Variants in MTHFD1L observed in about 807,000 individuals in gnomAD.
MTHFD1L encodes the protein methylenetetrahydrofolate dehydrogenase (NADP+ dependent) 1 like.
Under a neutral mutation model 119.5 loss-of-function variants are expected in MTHFD1L, and 81 were observed. That is an observed-to-expected ratio of 0.68 (90% CI 0.57 to 0.82). The LOEUF is 0.82. Among genes scored for constraint, MTHFD1L ranks in the 40% least tolerant of loss-of-function variants. MTHFD1L has a pLI of 0.00. For synonymous variants in MTHFD1L, 430 were observed against 475.2 expected (o/e 0.90, Z 1.24); for missense variants, 1,125 against 1,253.4 (o/e 0.90, Z 1.55).
intron 27 of MTHFD1L, among the ~76,000 whole-genome samples, chr6:151,094,424 G>A (rs117172396): frequency 0.032 from 4,796 of 152,250 alleles, 220 homozygotes; most frequent in South Asian, 0.11. Context: ...GTTCAGTGGC[G>A]TGATCTCTGC....
intron 26 of MTHFD1L, among the ~76,000 whole-genome samples, chr6:151,084,794 C>T (rs1049867647): frequency 2.0e-5 from 3 of 151,038 alleles, no homozygotes; most frequent in Non-Finnish European, 4.4e-5. Context: ...GGTGAAACCC[C>T]GTCTCTACTA....
chr6:151,032,523 G>T (rs1785495708), intron 24 of MTHFD1L, among the ~76,000 whole-genome samples: 5 of 152,132 alleles, frequency 3.3e-5, no homozygotes, highest in Non-Finnish European at 1.5e-5. Context: ...CAACATTGAG[G>T]ATTACATTTC....
intron 26 of MTHFD1L, among the ~76,000 whole-genome samples, chr6:151,069,462 C>A (rs1238181132): frequency 3.3e-5 from 5 of 152,160 alleles, no homozygotes; most frequent in African/African-American, 1.2e-4. Flanking sequence ...ATTCTCTGTG[C>A]TTTTTCTCTT....
At chr6:150,998,989 T>TAAA (rs201806937) in intron 20 of MTHFD1L, among the ~76,000 whole-genome samples, 2,379 of 147,888 alleles carry the variant, frequency 0.016, 88 homozygotes, top group African/African-American at 0.055. Flanking sequence ...GACCCTGTCT[T>TAAA]AAAAAAATAT....
intron 19 of MTHFD1L, 21 bp from the exon 20 acceptor site, chr6:150,971,926 T>A: frequency 6.2e-7 from 1 of 1,604,162 alleles, no homozygotes; most frequent in Non-Finnish European, 8.5e-7. Context: ...GGGATTTTGA[T>A]TTGCTTTTTC....
intron 24 of MTHFD1L, among the ~76,000 whole-genome samples, chr6:151,028,849 G>A (rs1053767984): frequency 3.9e-5 from 6 of 152,138 alleles, no homozygotes; most frequent in Non-Finnish European, 7.3e-5. Context: ...TCTGAGGCAG[G>A]CAGATCACTT....
intron 26 of MTHFD1L, among the ~76,000 whole-genome samples, chr6:151,052,879 G>T (rs1317077701): frequency 6.6e-6 from 1 of 152,138 alleles, no homozygotes; most frequent in Non-Finnish European, 1.5e-5. Flanking sequence ...CTTGTCCTAG[G>T]TAACCAAGAA....
chr6:150,914,546 C>A (rs1787519148), intron 8 of MTHFD1L, among the ~76,000 whole-genome samples: 1 of 151,940 alleles, frequency 6.6e-6, no homozygotes, highest in South Asian at 2.1e-4. Context: ...GCAATCCCAA[C>A]TACTCAGGAG....
chr6:150,865,836 TGCCGCTCGTCCTGCGCCAGCTCC>T lies in MTHFD1L; in HGVS notation c.20_42del (p.Leu7ProfsTer18). On this transcript the variant is annotated frameshift_variant, in exon 1 of 28. Coordinates refer to ENST00000367321, the MANE Select transcript of MTHFD1L (RefSeq NM_015440.5). LOFTEE classifies it high-confidence loss of function. ...CCGTCCCGCGCCATGGGCACGCGTCTGCCGCTCGTCCTGCGCCAGCTCCGCCGCCCGCCCCAGCCCCCGGGCCC... is the reference window on the plus strand; with the variant it reads ...CCGTCCCGCGCCATGGGCACGCGTCTGCCGCCCGCCCCAGCCCCCGGGCCC... 2.4e-6 allele frequency: 3 copies of T among 1,263,822 alleles called. No homozygotes were observed. Among genetic ancestry groups the T allele is most frequent in the Non-Finnish European group, 3.0e-6 (3 of 997,502 alleles). The allele number at this position is 1,263,822 out of a possible 1,614,324, so 78.3% of individuals were successfully genotyped here.
At chr6:151,098,707 G>A (rs1795095339) in intron 27 of MTHFD1L, among the ~76,000 whole-genome samples, 1 of 152,038 alleles carries the variant, frequency 6.6e-6, no homozygotes, top group Non-Finnish European at 1.5e-5. Context: ...TTTGTATATG[G>A]TATCTTCCAA....
chr6:150,981,370 G>C (rs747675745), intron 20 of MTHFD1L, among the ~76,000 whole-genome samples: 1 of 152,220 alleles, frequency 6.6e-6, no homozygotes, highest in Non-Finnish European at 1.5e-5. Context: ...GTGTCCAACG[G>C]ATGTCCTGTA....
chr6:150,897,264 A>G (rs899966549), intron 7 of MTHFD1L, among the ~76,000 whole-genome samples: 2 of 152,196 alleles, frequency 1.3e-5, no homozygotes, highest in Admixed American at 6.5e-5. Context: ...TTAAAACACC[A>G]TCTATCTCCA....
At chr6:150,891,217 C>T (rs1252344837) in intron 7 of MTHFD1L, among the ~76,000 whole-genome samples, 2 of 152,026 alleles carry the variant, frequency 1.3e-5, no homozygotes, top group Admixed American at 1.3e-4. Context: ...AACTCCTGAC[C>T]TCAGGTGATC....
intron 7 of MTHFD1L, among the ~76,000 whole-genome samples, chr6:150,889,911 C>T (rs1782940788): frequency 6.6e-6 from 1 of 152,100 alleles, no homozygotes; most frequent in Non-Finnish European, 1.5e-5. Flanking sequence ...AATTCCAGCA[C>T]TTTGGGAGGC....
chr6:150,934,825 C>T (rs34282451), intron 11 of MTHFD1L: 92,524 of 1,062,144 alleles, frequency 0.087, 8,066 homozygotes, highest in East Asian at 0.46. Context: ...GCTTATCCCT[C>T]GTAGAAATGC....
At chr6:150,954,685 A>G (rs1795358842) in intron 16 of MTHFD1L, among the ~76,000 whole-genome samples, 1 of 151,686 alleles carries the variant, frequency 6.6e-6, no homozygotes. Context: ...AAAAAAAGAG[A>G]GACAAGGTCT....
At chr6:151,037,363 GGTGA>G (rs1382105491) in intron 26 of MTHFD1L, among the ~76,000 whole-genome samples, 4 of 152,062 alleles carry the variant, frequency 2.6e-5, no homozygotes, top group African/African-American at 4.8e-5. Flanking sequence ...TCCTTCCTAA[GGTGA>G]GTAAGAACAT....
chr6:151,002,959 A>G (rs887546868), intron 20 of MTHFD1L, among the ~76,000 whole-genome samples: 1 of 152,138 alleles, frequency 6.6e-6, no homozygotes, highest in Non-Finnish European at 1.5e-5. Context: ...GCTAGATGCC[A>G]TTTACAACAA....
intron 26 of MTHFD1L, among the ~76,000 whole-genome samples, chr6:151,074,449 C>G (rs140905707): frequency 6.6e-6 from 1 of 152,202 alleles, no homozygotes; most frequent in East Asian, 1.9e-4. Context: ...AAATATATGG[C>G]AACAATAACA....
Sources: gnomAD v4.1 joint callset for allele counts (sites outside exome capture counted in the v4.1 genomes callset) on GRCh38, gnomAD v4.1.1 for gene constraint, MANE v1.5 for transcripts, NCBI Gene and HGNC (gene_info 2026-07-23, HGNC 2026-07-21) for gene names.